BCAS3: variants seen among roughly 807,000 people sequenced by gnomAD.
BCAS3 encodes BCAS3 microtubule associated cell migration factor.
In BCAS3, 53 loss-of-function variants were observed where a neutral mutation model predicts 116.1. The observed-to-expected ratio is 0.46, with a 90% CI of 0.37 to 0.57. BCAS3 has a LOEUF of 0.57. BCAS3 is among the 20% of genes least tolerant of loss of function. BCAS3 has a pLI of 0.00. For missense variants in BCAS3, 917 were observed against 1,165.4 expected, an observed-to-expected ratio of 0.79 and a Z score of 3.10; for synonymous variants, 391 against 408.2, an observed-to-expected ratio of 0.96 and a Z score of 0.51.
At position 61,258,332 on chromosome 17, in the gene BCAS3, G is replaced by GATAT. The variant is rs2048945063; in HGVS notation, c.2426-109995_2426-109994insATAT. 6.6e-6 allele frequency among the ~76,000 whole-genome samples: 1 copy of GATAT among 152,166 alleles called. No individual in the cohort carries two copies. The highest frequency in any genetic ancestry group is 1.5e-5 in the Non-Finnish European group (1 of 68,036). ...TTGTGGAAAGGGGTTGTTACTTCGT[G>GATAT]CCTTTAGATATCCACCATAATGTGT... On this transcript the variant is annotated intron_variant, in intron 22 of 23. Coordinates refer to ENST00000407086, the MANE Select transcript of BCAS3 (RefSeq NM_017679.5). The surrounding 1 kb of genome is among the most constrained non-coding windows in gnomAD (Gnocchi z 4.7).
At chr17:60,814,535 C>G (rs1322037547) in intron 7 of BCAS3, among the ~76,000 whole-genome samples, 1 of 151,580 alleles carries the variant, frequency 6.6e-6, no homozygotes, top group Non-Finnish European at 1.5e-5. Context: ...TTCTTTTTTC[C>G]TATTTGAATG....
chr17:60,899,269 C>T (rs891626083), intron 10 of BCAS3, among the ~76,000 whole-genome samples: 4 of 152,028 alleles, frequency 2.6e-5, no homozygotes. Flanking sequence ...CCCCCAGTCC[C>T]GGTGGCAATG....
intron 22 of BCAS3, among the ~76,000 whole-genome samples, chr17:61,093,552 A>C (rs796105274): frequency 2.4e-4 from 37 of 152,266 alleles, no homozygotes; most frequent in African/African-American, 8.9e-4. Context: ...ACGCCACTGC[A>C]CTCTAGCCTA....
In BCAS3 at chr17:60,990,158, A is replaced by G. The variant is rs375831364; in HGVS notation, c.1409A>G (p.Glu470Gly). The G allele has an allele frequency of 6.2e-6, 10 of 1,614,088 alleles. No individual in the cohort carries two copies. The highest frequency in any genetic ancestry group is 7.6e-6 in the Non-Finnish European group (9 of 1,180,042). ...KSAGLEEIEQ[E>G]LTSKQGGRCS... The stretch of plus-strand genomic sequence containing the variant: ...GCTGGACTGGAAGAGATTGAACAAG[A>G]ACTGACGTCTAAGCAAGGAGGTCGC... The change falls in exon 15 of 24, where the codon GAA (glutamate) becomes GGA (glycine). Residue 470 changes from glutamate to glycine, a missense_variant. Physicochemically the swap from Glu to Gly is moderately conservative, Grantham distance 98. Around this residue, in one of 3 missense-constraint regions of BCAS3, gnomAD observed 807 missense variants for 1,026.0 expected, o/e 0.79. Coordinates refer to ENST00000407086, the MANE Select transcript of BCAS3 (RefSeq NM_017679.5). The surrounding 1 kb of genome is among the most constrained non-coding windows in gnomAD (Gnocchi z 5.1).
chr17:60,886,823 C>G (rs1270504464), intron 9 of BCAS3, among the ~76,000 whole-genome samples: 1 of 151,872 alleles, frequency 6.6e-6, no homozygotes. Context: ...CAGCTGCGTG[C>G]TGGGAGAACC....
intron 22 of BCAS3, among the ~76,000 whole-genome samples, chr17:61,194,981 A>G (rs188879136): frequency 6.6e-6 from 1 of 152,302 alleles, no homozygotes; most frequent in Admixed American, 6.5e-5. Flanking sequence ...GCAGGCTTGA[A>G]GAGAATGAAG....
Position 61,362,465 on chromosome 17 carries a change from G to T in BCAS3, c.2426-5862G>T, listed in dbSNP as rs1319532499. Among the ~76,000 whole-genome samples the T allele has an allele frequency of 6.6e-6, 1 of 152,172 alleles. No homozygotes were observed. Among genetic ancestry groups the T allele is most frequent in the African/African-American group, 2.4e-5 (1 of 41,436 alleles). On this transcript the variant is annotated intron_variant, in intron 22 of 23. Transcript: ENST00000407086. This position sits in a 1 kb window ranked among gnomAD's most constrained non-coding sequence, Gnocchi z 4.4. ...AGGCTGTGCCACAGTCTCTTAAATAGCTAGAGTGTGATTAGACACTATCAG... is the reference window on the plus strand; with the variant it reads ...AGGCTGTGCCACAGTCTCTTAAATATCTAGAGTGTGATTAGACACTATCAG...
At chr17:60,684,505 A>G (rs766918938) in intron 3 of BCAS3, among the ~76,000 whole-genome samples, 1 of 152,078 alleles carries the variant, frequency 6.6e-6, no homozygotes, top group Non-Finnish European at 1.5e-5. Flanking sequence ...TAAGTCTTTT[A>G]CTGTTCCTTT....
intron 14 of BCAS3, among the ~76,000 whole-genome samples, chr17:60,958,639 T>A (rs2061262905): frequency 6.6e-6 from 1 of 152,234 alleles, no homozygotes. Flanking sequence ...ATAGACTCGA[T>A]GTAATCTGCA....
intron 14 of BCAS3, among the ~76,000 whole-genome samples, chr17:60,957,111 C>T (rs1362608736): frequency 6.6e-6 from 1 of 152,126 alleles, no homozygotes; most frequent in African/African-American, 2.4e-5. Context: ...AAGTATAAAC[C>T]TTACACATAT....
intron 8 of BCAS3, among the ~76,000 whole-genome samples, chr17:60,871,705 C>T (rs1400139780): frequency 2.0e-5 from 3 of 151,678 alleles, no homozygotes; most frequent in African/African-American, 7.3e-5. Context: ...GATGATTTCC[C>T]AGTGTTAAAC....
chr17:61,128,496 A>G lies in BCAS3; in HGVS notation c.2425+43932A>G, dbSNP rs190273548. 3.6e-3 allele frequency: 3,529 copies of G among 985,394 alleles called. 5 individuals carry two copies. The highest frequency in any genetic ancestry group is 4.1e-3 in the Non-Finnish European group (3,442 of 829,904). The allele number at this position is 985,394 out of a possible 1,614,324, so 61.0% of individuals were successfully genotyped here. A position where few individuals can be genotyped will look rare whatever the true frequency, so the allele number is the denominator to read the frequency against. On this transcript the variant is annotated intron_variant, in intron 22 of 23. Transcript: ENST00000407086. The surrounding 1 kb of genome is among the most constrained non-coding windows in gnomAD (Gnocchi z 4.1). The stretch of plus-strand genomic sequence containing the variant: ...TCTGTGTTTTCAAAGACAGAGGTTA[A>G]CAAGCAATGGACAAACCTTCCGTTC...
intron 22 of BCAS3, among the ~76,000 whole-genome samples, chr17:61,174,288 T>C (rs1447264380): frequency 1.3e-5 from 2 of 152,178 alleles, no homozygotes; most frequent in East Asian, 3.9e-4. Flanking sequence ...TACTAAAACT[T>C]TGTGCCGTTT....
intron 22 of BCAS3, among the ~76,000 whole-genome samples, chr17:61,209,870 T>G (rs886409666): frequency 6.6e-6 from 1 of 152,232 alleles, no homozygotes; most frequent in Non-Finnish European, 1.5e-5. Flanking sequence ...GCTTGTATCT[T>G]GAAGGCCAGT....
chr17:61,084,645 A>AT lies in BCAS3; in HGVS notation c.2425+84dup. ...TTTCTCGCACAATGTAGAGGATGACATTTATTTGCTTTCCTCTCTGTTTTT... is the reference window on the plus strand; with the variant it reads ...TTTCTCGCACAATGTAGAGGATGACATTTTATTTGCTTTCCTCTCTGTTTTT... On this transcript the variant is annotated intron_variant, in intron 22 of 23. Transcript: ENST00000407086. This position sits in a 1 kb window ranked among gnomAD's most constrained non-coding sequence, Gnocchi z 5.5. 1 of 1,166,194 alleles carries AT rather than the reference A, an allele frequency of 8.6e-7. No individual in the cohort carries two copies. The allele number at this position is 1,166,194 out of a possible 1,614,324, so 72.2% of individuals were successfully genotyped here. A position where few individuals can be genotyped will look rare whatever the true frequency, so the allele number is the denominator to read the frequency against.
At chr17:61,001,240 A>G (rs527818881) in intron 15 of BCAS3, among the ~76,000 whole-genome samples, 1 of 152,272 alleles carries the variant, frequency 6.6e-6, no homozygotes, top group African/African-American at 2.4e-5. Flanking sequence ...TGGAGCCTCC[A>G]TATTTCAGTA....
At chr17:60,913,587 C>T (rs560568790) in intron 12 of BCAS3, among the ~76,000 whole-genome samples, 3 of 152,142 alleles carry the variant, frequency 2.0e-5, no homozygotes, top group South Asian at 4.2e-4. Context: ...TTAGATTTAT[C>T]GCTTTTAGCC....
At chr17:61,255,268 G>A (rs1010596760) in intron 22 of BCAS3, among the ~76,000 whole-genome samples, 3 of 152,144 alleles carry the variant, frequency 2.0e-5, no homozygotes, top group African/African-American at 7.2e-5. Context: ...CTCATTCCCA[G>A]TTGCCAAAGA....
chr17:60,938,636 C>G (rs2060064366), intron 13 of BCAS3, among the ~76,000 whole-genome samples: 1 of 151,852 alleles, frequency 6.6e-6, no homozygotes, highest in Non-Finnish European at 1.5e-5. Flanking sequence ...AAATCTTCAT[C>G]AAAATTGGAA....
Sources: gnomAD v4.1 joint callset for allele counts (sites outside exome capture counted in the v4.1 genomes callset) on GRCh38, gnomAD v4.1.1 for gene constraint, gnomAD v4.1.1 regional missense constraint, Gnocchi (gnomAD v3.1) non-coding constraint, MANE v1.5 for transcripts, NCBI Gene and HGNC (gene_info 2026-07-23, HGNC 2026-07-21) for gene names.